The following UACA variants were observed in gnomAD, a reference collection of about 807,000 sequenced individuals.
UACA encodes the protein nuclear membrane binding protein.
A neutral mutation model predicts 160.5 loss-of-function variants in UACA; 112 were observed. The observed-to-expected ratio is 0.70, with a 90% confidence interval of 0.60 to 0.82. UACA has a LOEUF of 0.82. Ranked by LOEUF, UACA falls within the 40% of genes least tolerant of loss-of-function variation. The pLI is 0.00. For synonymous variants in UACA, 557 were observed against 568.4 expected, an observed-to-expected ratio of 0.98 and a Z score of 0.29; for missense variants, 1,574 against 1,614.6, an observed-to-expected ratio of 0.97 and a Z score of 0.43.
At chr15:70,679,359 TGCCA>T (rs1897402056) in intron 10 of UACA, among the ~76,000 whole-genome samples, 1 of 151,364 alleles carries the variant, frequency 6.6e-6, no homozygotes, top group African/African-American at 2.4e-5. Context: ...GCCGAGATCA[TGCCA>T]CTGCACTCCA....
chr15:70,668,673 G>A lies in UACA; in HGVS notation c.2011C>T (p.Leu671Phe), dbSNP rs1897025632. 1 of 1,614,064 alleles carries A rather than the reference G, an allele frequency of 6.2e-7. No homozygotes were observed. Among genetic ancestry groups the A allele is most frequent in the African/African-American group, 1.3e-5 (1 of 75,028 alleles). The change falls in exon 16 of 19, where the codon CTT (leucine) becomes TTT (phenylalanine). Residue 671 changes from leucine to phenylalanine, a missense_variant. Coordinates refer to ENST00000322954, the MANE Select transcript of UACA (RefSeq NM_018003.4). ...GCAAGCTTGGCCTTAACATTCTCAA[G>A]TTCTCTCTTTAACTGTCTAATTTCA... ...LSEIRQLKRE[L>F]ENVKAKLAQH...
At chr15:70,728,563 C>CAAAAAAAAAAAAAAAAAAAAAAAA (rs1213851064) in intron 1 of UACA, among the ~76,000 whole-genome samples, 1 of 87,740 alleles carries the variant, frequency 1.1e-5, no homozygotes, top group African/African-American at 3.9e-5. Flanking sequence ...AACCCCATCT[C>CAAAAAAAAAAAAAAAAAAAAAAAA]AAAAAAAAAA....
intron 3 of UACA, among the ~76,000 whole-genome samples, chr15:70,691,996 C>T (rs994537635): frequency 3.9e-5 from 6 of 151,952 alleles, no homozygotes; most frequent in African/African-American, 1.5e-4. Flanking sequence ...ATTCTGAATA[C>T]CAGAAAAGAA....
At chr15:70,763,965 G>A (rs2030935657), upstream of UACA, among the ~76,000 whole-genome samples, 4 of 152,332 alleles carry the variant, frequency 2.6e-5, no homozygotes, top group South Asian at 8.3e-4. Context: ...ACACAGAACA[G>A]CTTTCAGGAG....
intron 16 of UACA, among the ~76,000 whole-genome samples, chr15:70,665,789 A>C (rs1267660337): frequency 6.6e-6 from 1 of 152,196 alleles, no homozygotes; most frequent in African/African-American, 2.4e-5. Context: ...CAGTATGTAC[A>C]AGTACTTTCC....
chr15:70,716,431 G>A (rs1057056989), intron 1 of UACA, among the ~76,000 whole-genome samples: 1 of 152,138 alleles, frequency 6.6e-6, no homozygotes, highest in African/African-American at 2.4e-5. Context: ...GCTGACCTAC[G>A]AAGTCATCAG....
At chr15:70,773,673 C>T in the UACA span, among the ~76,000 whole-genome samples, 1 of 152,172 alleles carries the variant, frequency 6.6e-6, no homozygotes, top group Non-Finnish European at 1.5e-5. Context: ...AAGGTCCCAA[C>T]TGGCCTGCTT....
chr15:70,690,455 G>A lies in UACA; in HGVS notation c.423C>T (p.Ala141=), dbSNP rs559637926. 102 of 1,612,054 alleles carry A rather than the reference G, an allele frequency of 6.3e-5. No homozygotes were observed. The highest frequency in any genetic ancestry group is 7.9e-5 in the Non-Finnish European group (93 of 1,179,048). The change falls in exon 5 of 19, where the codon GCC becomes GCT. Residue 141 remains alanine, a splice_region_variant and synonymous_variant. Coordinates refer to ENST00000322954, the MANE Select transcript of UACA (RefSeq NM_018003.4). ...TATCCAAGGGAAACCACTGCTCACC[G>A]GCATCGTGAAGTGCAGTTCTTCCCT... The part of the protein sequence containing the change: ...DLQGRTALHD[A]AMADCPSSIQ...
At chr15:70,677,617 A>G (rs1301724137) in intron 11 of UACA, among the ~76,000 whole-genome samples, 2 of 152,222 alleles carry the variant, frequency 1.3e-5, no homozygotes, top group Non-Finnish European at 2.9e-5. Context: ...TCCTGTACAT[A>G]ATAAAATGTA....
rs2030904026 is a variant in UACA at position 70,763,468 on chromosome 15, G to C, written c.-61C>G. On this transcript the variant is annotated 5_prime_UTR_variant, in exon 1 of 19. Transcript: ENST00000322954. ...AGGCTGCGGAGTGCCAGCGCGCAAG[G>C]AGTAGACGGCAGCGGCTGCAGCAGA... 5.5e-6 allele frequency: 7 copies of C among 1,268,112 alleles called. No homozygotes were observed. Among genetic ancestry groups the C allele is most frequent in the Non-Finnish European group, 7.0e-6 (7 of 998,626 alleles). 78.6% of individuals were successfully genotyped at this position (1,268,112 alleles called of 1,614,324 possible). A position where few individuals can be genotyped will look rare whatever the true frequency, so the allele number is the denominator to read the frequency against.
Position 70,749,698 on chromosome 15 carries a change from CAA to C in UACA, c.78+13630_78+13631del, listed in dbSNP as rs11292883. Among the ~76,000 whole-genome samples the C allele has an allele frequency of 2.9e-3, 202 of 70,052 alleles. 4 individuals are homozygous for C. The highest frequency in any genetic ancestry group is 0.018 in the Middle Eastern group (2 of 114). The allele number at this position is 70,052 out of a possible 152,430, so 46.0% of individuals were successfully genotyped here. A position where few individuals can be genotyped will look rare whatever the true frequency, so the allele number is the denominator to read the frequency against. On this transcript the variant is annotated intron_variant, in intron 1 of 18. Transcript: ENST00000322954. ...TGGGCGACAGAGGAAGACTCCGTCTCAAAAAAAAAAAAAAAAAAAAAAAGTTG... is the reference window on the plus strand; with the variant it reads ...TGGGCGACAGAGGAAGACTCCGTCTCAAAAAAAAAAAAAAAAAAAAAGTTG...
At chr15:70,710,210 G>A (rs1472775360) in intron 1 of UACA, among the ~76,000 whole-genome samples, 3 of 152,086 alleles carry the variant, frequency 2.0e-5, no homozygotes, top group East Asian at 1.9e-4. Context: ...AGCCAAGTTC[G>A]TGCCACTATA....
chr15:70,696,368 A>G (rs930621177), intron 2 of UACA, among the ~76,000 whole-genome samples: 18 of 152,148 alleles, frequency 1.2e-4, no homozygotes, highest in African/African-American at 4.3e-4. Flanking sequence ...TTTGCTTCCT[A>G]TTACATCCCC....
intron 13 of UACA, among the ~76,000 whole-genome samples, chr15:70,675,492 A>C (rs1331416903): frequency 6.6e-6 from 1 of 152,232 alleles, no homozygotes; most frequent in Non-Finnish European, 1.5e-5. Context: ...AAACACTTCC[A>C]GGACACCAAA....
chr15:70,772,196 A>C, the UACA span, among the ~76,000 whole-genome samples: 1 of 152,168 alleles, frequency 6.6e-6, no homozygotes. Context: ...GAATCTAGGT[A>C]GTAAGATATT....
Position 70,667,204 on chromosome 15 carries a change from CT to C in UACA, c.3479del (p.Lys1160ArgfsTer24), listed in dbSNP as rs1281732084. The C allele has an allele frequency of 1.9e-6, 3 of 1,613,870 alleles. No individual in the cohort carries two copies. The highest frequency in any genetic ancestry group is 3.3e-5 in the Admixed American group (2 of 60,006). On this transcript the variant is annotated frameshift_variant, in exon 16 of 19. Transcript: ENST00000322954. LOFTEE classifies it high-confidence loss of function. ...TKLHQLLENQ[K>X]NSSVPLAEHL... is the part of the protein sequence containing the mutation. ...GCTCTGCCAGGGGTACAGAAGAGTTCTTTTGATTCTCCAACAATTGATGCAG... is the reference window on the plus strand; with the variant it reads ...GCTCTGCCAGGGGTACAGAAGAGTTCTTTGATTCTCCAACAATTGATGCAG...
upstream of UACA, among the ~76,000 whole-genome samples, chr15:70,763,986 T>C (rs1405005870): frequency 6.6e-6 from 1 of 152,260 alleles, no homozygotes; most frequent in Non-Finnish European, 1.5e-5. Flanking sequence ...CAACTTCTTT[T>C]CAGTCTCCTG....
In UACA at chr15:70,666,925, C is replaced by T. The variant is rs779738218; in HGVS notation, c.3759G>A (p.Lys1253=). ...LNEKLANLNR[K]YEEVCEEVLH... Reference sequence around the variant, plus strand: ...AAACTTCCTCACATACTTCCTCATACTTTCTATTCAGATTGGCCAATTTTT... The same window carrying T: ...AAACTTCCTCACATACTTCCTCATATTTTCTATTCAGATTGGCCAATTTTT... Residue 1253 remains lysine, a synonymous_variant, in exon 16 of 19, where the codon AAG becomes AAA. Coordinates refer to ENST00000322954, the MANE Select transcript of UACA (RefSeq NM_018003.4). The T allele has an allele frequency of 3.1e-6, 5 of 1,612,836 alleles. No homozygotes were observed. The South Asian group carries it at 5.5e-5, about 18-fold the overall frequency.
At chr15:70,769,361 G>C in the UACA span, among the ~76,000 whole-genome samples, 1 of 98,186 alleles carries the variant, frequency 1.0e-5, no homozygotes, top group Non-Finnish European at 2.2e-5. Flanking sequence ...AAAAAAAAAA[G>C]ATAAATCTCA....
Sources: allele counts gnomAD v4.1 joint callset (sites outside exome capture counted in the v4.1 genomes callset), GRCh38; gene constraint gnomAD v4.1.1; transcripts MANE v1.5; gene names NCBI Gene and HGNC (gene_info 2026-07-23, HGNC 2026-07-21).